ASTN1: variants seen among roughly 807,000 people sequenced by gnomAD.
The protein encoded by ASTN1 is astrotactin 1.
In ASTN1, 41 loss-of-function variants were observed where a neutral mutation model predicts 140.7. That is an observed-to-expected ratio of 0.29 (90% CI 0.23 to 0.38). The LOEUF (loss-of-function observed/expected upper bound fraction) is 0.38. Ranked by LOEUF, ASTN1 falls within the 10% of genes least tolerant of loss-of-function variation. The probability of loss-of-function intolerance (pLI) is 1.00; values close to 1 mark genes in which losing one functional copy is unlikely to be tolerated. For missense variants in ASTN1, 1,479 were observed against 1,678.8 expected (o/e 0.88, Z 2.08); for synonymous variants, 640 against 652.2 (o/e 0.98, Z 0.29).
intron 9 of ASTN1, among the ~76,000 whole-genome samples, chr1:176,963,051 A>G (rs1672733870): frequency 6.6e-6 from 1 of 152,222 alleles, no homozygotes. Context: ...GGTATGAGCA[A>G]ATGAGCAGAG....
rs998714644 is a variant in ASTN1, at chr1:177,052,675, C to T, written c.471+8403G>A. 2.0e-4 allele frequency among the ~76,000 whole-genome samples: 30 copies of T among 152,180 alleles called. 1 individual carries two copies. The highest frequency in any genetic ancestry group is 1.6e-3 in the Admixed American group (24 of 15,280). ...CTTTGCAATATTTGGTCTTCTTGCC[C>T]GATCCAGCTCTTCCTTTACCTTTTG... is the stretch of plus-strand genomic sequence containing the variant. On this transcript the variant is annotated intron_variant, in intron 2 of 22. Transcript: ENST00000361833.
At chr1:177,078,874 C>T (rs913893362) in intron 1 of ASTN1, among the ~76,000 whole-genome samples, 1 of 152,076 alleles carries the variant, frequency 6.6e-6, no homozygotes, top group Non-Finnish European at 1.5e-5. Context: ...ATGCACTGTA[C>T]ATGACAGCCA....
At chr1:177,045,771 C>T (rs1018440863) in intron 2 of ASTN1, among the ~76,000 whole-genome samples, 1 of 152,050 alleles carries the variant, frequency 6.6e-6, no homozygotes, top group Non-Finnish European at 1.5e-5. Context: ...CTAACCTGAA[C>T]GTTAATCTAA....
chr1:177,145,540 T>G (rs976184536), intron 1 of ASTN1, among the ~76,000 whole-genome samples: 4 of 152,154 alleles, frequency 2.6e-5, no homozygotes, highest in Non-Finnish European at 5.9e-5. Context: ...CAAATCTAAT[T>G]AGAAGAGGTT....
intron 7 of ASTN1, among the ~76,000 whole-genome samples, chr1:177,017,691 CCAGA>C (rs1017734354): frequency 6.6e-6 from 1 of 152,158 alleles, no homozygotes; most frequent in African/African-American, 2.4e-5. Flanking sequence ...GAGAGCCCAG[CCAGA>C]CAGAGTGTGC....
chr1:177,023,419 A>T lies in ASTN1; in HGVS notation c.1423T>A (p.Cys475Ser). The change falls in exon 7 of 23, where the codon TGT (cysteine) becomes AGT (serine). Residue 475 changes from cysteine to serine, a missense_variant. This residue lies in a region of ASTN1 where 729 missense variants were observed against 860.4 expected (regional missense o/e 0.85). Transcript: ENST00000361833. ...RRLLDPCEHQ[C>S]DPETGECLCY... Reference sequence around the variant, plus strand: ...TCCCGCCTACCAGTTTCGGGGTCACATTGGTGTTCACAGGGGTCCAGGAGC... The same window carrying T: ...TCCCGCCTACCAGTTTCGGGGTCACTTTGGTGTTCACAGGGGTCCAGGAGC... The T allele has an allele frequency of 1.9e-6, 3 of 1,598,696 alleles. No individual in the cohort carries two copies. The highest frequency in any genetic ancestry group is 1.7e-6 in the Non-Finnish European group (2 of 1,172,550).
In ASTN1 at chr1:176,880,495, C is replaced by T. The variant is rs115730251; in HGVS notation, c.3362+2364G>A. ...GAAAGGCCTGTGAGTCACCTCCCTA[C>T]CCTGGCCTCAGTTTCTTCATCTGTA... is the stretch of plus-strand genomic sequence containing the variant. On this transcript the variant is annotated intron_variant, in intron 20 of 22. Transcript: ENST00000361833. Among the ~76,000 whole-genome samples, 1,193 of 152,312 alleles carry T rather than the reference C, an allele frequency of 7.8e-3. 17 individuals are homozygous for T. The highest frequency in any genetic ancestry group is 0.028 in the African/African-American group (1,146 of 41,548).
At chr1:177,102,299 G>A (rs58668748) in intron 1 of ASTN1, among the ~76,000 whole-genome samples, 4,587 of 152,224 alleles carry the variant, frequency 0.03, 113 homozygotes, top group East Asian at 0.11. Flanking sequence ...TTTCAAGGTA[G>A]GTACTATTGG....
At chr1:177,060,269 A>T (rs185057655) in intron 2 of ASTN1, among the ~76,000 whole-genome samples, 225 of 152,314 alleles carry the variant, frequency 1.5e-3, no homozygotes, top group Middle Eastern at 3.4e-3. Context: ...GAATGTTAAT[A>T]GTAAAGGATC....
intron 8 of ASTN1, among the ~76,000 whole-genome samples, chr1:176,974,895 C>T (rs1673298836): frequency 3.9e-5 from 6 of 152,122 alleles, no homozygotes. Context: ...TTTTAGCCAA[C>T]AAAGAGCAAG....
rs562963852 is a variant in ASTN1 at position 176,925,898 on chromosome 1, C to T, written c.2671+8254G>A. Among the ~76,000 whole-genome samples, 7 of 151,928 alleles carry T rather than the reference C, an allele frequency of 4.6e-5. No homozygotes were observed. The East Asian group carries it at 5.8e-4, about 13-fold the overall frequency. On this transcript the variant is annotated intron_variant, in intron 16 of 22. Transcript: ENST00000361833. ...TCGGCTCACTGTAAGCTCTGCCTCC[C>T]GGGTTCATGCCATTCTCTTGCCTCA...
intron 1 of ASTN1, among the ~76,000 whole-genome samples, chr1:177,078,385 A>G (rs891111186): frequency 1.3e-5 from 2 of 152,134 alleles, no homozygotes; most frequent in Non-Finnish European, 2.9e-5. Flanking sequence ...TGTAAGCAAC[A>G]GTGCTCACCC....
chr1:177,108,488 A>G (rs553694526), intron 1 of ASTN1, among the ~76,000 whole-genome samples: 1 of 152,168 alleles, frequency 6.6e-6, no homozygotes, highest in African/African-American at 2.4e-5. Flanking sequence ...TCCACTTAGC[A>G]TGTCTTCAAG....
At chr1:177,083,985 C>A (rs774288995) in intron 1 of ASTN1, among the ~76,000 whole-genome samples, 7 of 152,166 alleles carry the variant, frequency 4.6e-5, no homozygotes, top group Non-Finnish European at 1.0e-4. Flanking sequence ...AGAGTAAATT[C>A]TCCCTTGCTG....
At chr1:177,141,974 C>A (rs1358161259) in intron 1 of ASTN1, among the ~76,000 whole-genome samples, 1 of 152,160 alleles carries the variant, frequency 6.6e-6, no homozygotes. Context: ...ATAGTAGCTC[C>A]CATCTGCCAA....
intron 1 of ASTN1, among the ~76,000 whole-genome samples, chr1:177,107,199 C>A (rs1389530981): frequency 6.6e-6 from 1 of 152,160 alleles, no homozygotes; most frequent in Non-Finnish European, 1.5e-5. Flanking sequence ...CTTAGGAACT[C>A]ATCATCCCTG....
chr1:176,924,110 C>A (rs28446861), intron 16 of ASTN1, among the ~76,000 whole-genome samples: 4,725 of 152,248 alleles, frequency 0.031, 212 homozygotes, highest in African/African-American at 0.11. Flanking sequence ...AAAGAAAATG[C>A]GCTAAACAAA....
intron 7 of ASTN1, 155 bp downstream of exon 7, chr1:177,023,249 C>T: frequency 2.1e-6 from 2 of 939,058 alleles, no homozygotes; most frequent in Non-Finnish European, 3.1e-6. Flanking sequence ...AGCCAATAAG[C>T]TCTGCGGCCC....
At position 177,058,828 on chromosome 1, in the gene ASTN1, A is replaced by C. The variant is rs552551715; in HGVS notation, c.471+2250T>G. Among the ~76,000 whole-genome samples, 21 of 149,218 alleles carry C rather than the reference A, an allele frequency of 1.4e-4. No homozygotes were observed. The South Asian group carries it at 4.3e-3, about 31-fold the overall frequency. On this transcript the variant is annotated intron_variant, in intron 2 of 22. Coordinates refer to ENST00000361833, the MANE Select transcript of ASTN1 (RefSeq NM_004319.3). ...CCACCCCCACAAACATACACAAACA[A>C]ACACACACACACACACATACACACA...
Sources: allele counts gnomAD v4.1 joint callset (sites outside exome capture counted in the v4.1 genomes callset), GRCh38; gene constraint gnomAD v4.1.1; regional missense constraint gnomAD v4.1.1; transcripts MANE v1.5; gene names NCBI Gene and HGNC (gene_info 2026-07-23, HGNC 2026-07-21).